Variants in ANK2 observed in about 807,000 individuals in gnomAD.
ANK2 encodes ankyrin-2.
ANK2 carries 83 observed loss-of-function variants against 360.5 expected under a neutral mutation model. The ratio of observed to expected loss-of-function variants is 0.23; its 90% CI spans 0.19 to 0.28. ANK2 has a LOEUF of 0.28. Ranked by LOEUF, ANK2 falls within the 10% of genes least tolerant of loss-of-function variation. The pLI is 1.00. For missense variants in ANK2, 4,201 were observed against 4,795.7 expected, an observed-to-expected ratio of 0.88 and a Z score of 3.66; for synonymous variants, 1,740 against 1,759.5, an observed-to-expected ratio of 0.99 and a Z score of 0.28.
upstream of ANK2, among the ~76,000 whole-genome samples, chr4:113,044,779 T>A (rs1407536668): frequency 3.3e-5 from 5 of 152,148 alleles, no homozygotes; most frequent in Non-Finnish European, 5.9e-5. Context: ...TCTCCTCTTA[T>A]AAGGACACCT....
the ANK2 span, among the ~76,000 whole-genome samples, chr4:112,733,237 T>G: frequency 6.6e-6 from 1 of 151,506 alleles, no homozygotes; most frequent in Non-Finnish European, 1.5e-5. Flanking sequence ...TAATAATACA[T>G]AAAAAAAATA....
chr4:113,097,877 C>CATATAT (rs1491243355), intron 1 of ANK2, among the ~76,000 whole-genome samples: 23,436 of 131,636 alleles, frequency 0.18, 2,289 homozygotes, highest in East Asian at 0.43. Context: ...TATATATATG[C>CATATAT]ACACACACAC....
the ANK2 span, among the ~76,000 whole-genome samples, chr4:112,714,801 A>C: frequency 6.6e-6 from 1 of 152,188 alleles, no homozygotes; most frequent in South Asian, 2.1e-4. Context: ...TGTTTTTATA[A>C]AGGGGTATTA....
At chr4:112,981,608 A>G (rs1246085475) in intron 2 of ANK2, among the ~76,000 whole-genome samples, 8 of 152,188 alleles carry the variant, frequency 5.3e-5, no homozygotes, top group African/African-American at 1.9e-4. Flanking sequence ...GGTGTAATAA[A>G]ATCAGAAGGA....
chr4:113,353,534 A>T lies in ANK2; in HGVS notation c.4916A>T (p.Tyr1639Phe), dbSNP rs1176397818. The change falls in exon 38 of 46, where the codon TAC (tyrosine) becomes TTC (phenylalanine). Residue 1639 changes from tyrosine (Y) to phenylalanine (F), a missense_variant. By Grantham distance (22) the Tyr-to-Phe change is conservative. Coordinates refer to ENST00000357077, the MANE Select transcript of ANK2 (RefSeq NM_001148.6). ...VEKDSTGLVN[Y>F]LTDDLNTCVP... The stretch of plus-strand genomic sequence containing the variant: ...AAAGACTCAACTGGGCTAGTGAACT[A>T]CCTTACTGATGATCTGAATACCTGT... 2 of 1,613,986 alleles carry T rather than the reference A, an allele frequency of 1.2e-6. No homozygotes were observed. Among genetic ancestry groups the T allele is most frequent in the Admixed American group, 3.3e-5 (2 of 59,998 alleles).
At chr4:113,212,288 T>A (rs1490922787) in intron 4 of ANK2, among the ~76,000 whole-genome samples, 1 of 152,214 alleles carries the variant, frequency 6.6e-6, no homozygotes, top group East Asian at 1.9e-4. Context: ...TTTCAGATAT[T>A]ATTCTTTAGT....
At chr4:112,788,954 C>T in the ANK2 span, 13,568 of 584,464 alleles carry the variant, frequency 0.023, 633 homozygotes, top group African/African-American at 0.13. Flanking sequence ...AGCATAAACT[C>T]TCTGAGGGCA....
the ANK2 span, among the ~76,000 whole-genome samples, chr4:112,801,061 TAGTC>T: frequency 0.023 from 3,538 of 152,258 alleles, 120 homozygotes; most frequent in African/African-American, 0.079. Context: ...GACACCAAGG[TAGTC>T]AGTTAACTCT....
At chr4:112,914,059 C>T (rs1289943431) in intron 2 of ANK2, among the ~76,000 whole-genome samples, 1 of 151,804 alleles carries the variant, frequency 6.6e-6, no homozygotes, top group Non-Finnish European at 1.5e-5. Flanking sequence ...TTTTTATTAC[C>T]CTCCTTTTGT....
At chr4:113,128,275 G>A (rs932405792) in intron 1 of ANK2, among the ~76,000 whole-genome samples, 2 of 152,158 alleles carry the variant, frequency 1.3e-5, no homozygotes, top group African/African-American at 2.4e-5. Flanking sequence ...TGTAAACTGA[G>A]TTAATAATGA....
intron 31 of ANK2, 111 bp from the exon 32 acceptor site, chr4:113,339,115 C>T (rs2093949806): frequency 5.9e-6 from 5 of 853,068 alleles, no homozygotes; most frequent in Middle Eastern, 2.4e-4. Context: ...TTTCAATGTG[C>T]CATTTTGAGG....
At chr4:112,907,695 G>A (rs990961286) in intron 2 of ANK2, among the ~76,000 whole-genome samples, 2 of 152,102 alleles carry the variant, frequency 1.3e-5, no homozygotes, top group Non-Finnish European at 2.9e-5. Flanking sequence ...AGGCAGGTTA[G>A]TATCTACTTT....
chr4:113,257,060 T>C (rs2049875630), intron 11 of ANK2, among the ~76,000 whole-genome samples: 1 of 152,226 alleles, frequency 6.6e-6, no homozygotes, highest in Non-Finnish European at 1.5e-5. Flanking sequence ...ATTATGTTTA[T>C]CACTCTATTG....
At chr4:113,034,184 C>A (rs914889472) in intron 2 of ANK2, among the ~76,000 whole-genome samples, 2 of 151,806 alleles carry the variant, frequency 1.3e-5, no homozygotes, top group Admixed American at 1.3e-4. Context: ...TTAAGGATGA[C>A]GATTATATCA....
intron 2 of ANK2, among the ~76,000 whole-genome samples, chr4:112,972,729 T>C (rs543401122): frequency 6.6e-6 from 1 of 152,200 alleles, no homozygotes; most frequent in Non-Finnish European, 1.5e-5. Context: ...CACATGTTTA[T>C]AGCAGCACAA....
intron 15 of ANK2, among the ~76,000 whole-genome samples, chr4:113,275,716 TAA>T (rs34332693): frequency 5.4e-4 from 76 of 141,132 alleles, no homozygotes; most frequent in African/African-American, 1.8e-3. Context: ...TAAAAGTTCT[TAA>T]AAAAAAAAAA....
intron 43 of ANK2, 29 bp downstream of exon 43, chr4:113,369,834 C>T (rs984830872): frequency 1.2e-6 from 2 of 1,613,548 alleles, no homozygotes; most frequent in Non-Finnish European, 1.7e-6. Context: ...CTTTCTCGCC[C>T]ACCTGTAACA....
At chr4:113,202,409 G>C (rs1242103870) in intron 4 of ANK2, among the ~76,000 whole-genome samples, 1 of 152,144 alleles carries the variant, frequency 6.6e-6, no homozygotes, top group Non-Finnish European at 1.5e-5. Flanking sequence ...TTGAGAACCA[G>C]AAAAAGGACG....
chr4:113,310,672 C>T (rs980569086), intron 23 of ANK2, among the ~76,000 whole-genome samples: 2 of 152,224 alleles, frequency 1.3e-5, no homozygotes, highest in Non-Finnish European at 1.5e-5. Flanking sequence ...CTGCCTCAGC[C>T]TCCCAAAGGG....
Sources: gnomAD v4.1 joint callset for allele counts (sites outside exome capture counted in the v4.1 genomes callset) on GRCh38, gnomAD v4.1.1 for gene constraint, MANE v1.5 for transcripts, NCBI Gene and HGNC (gene_info 2026-07-23, HGNC 2026-07-21) for gene names.